The following NUP155 variants were observed in gnomAD, a reference collection of about 807,000 sequenced individuals.
NUP155 encodes the protein nucleoporin 155, also known as nuclear pore complex protein Nup155.
In NUP155, 71 loss-of-function variants were observed where a neutral mutation model predicts 180.4. The ratio of observed to expected loss-of-function variants is 0.39; its 90% CI spans 0.33 to 0.48. NUP155 has a LOEUF of 0.48. NUP155 is among the 20% of genes least tolerant of loss of function. NUP155 has a pLI of 0.91. For missense variants in NUP155, 1,553 were observed against 1,648.9 expected (o/e 0.94, Z 1.01); for synonymous variants, 582 against 559.5 (o/e 1.04, Z -0.57).
intron 4 of NUP155, among the ~76,000 whole-genome samples, chr5:37,353,172 C>A (rs904509946): frequency 3.3e-5 from 5 of 151,840 alleles, no homozygotes; most frequent in Non-Finnish European, 5.9e-5. Context: ...TACCCATGTT[C>A]ATAGCAGTGT....
chr5:37,322,312 T>A (rs576112192), intron 20 of NUP155, among the ~76,000 whole-genome samples: 3 of 152,322 alleles, frequency 2.0e-5, no homozygotes, highest in South Asian at 4.1e-4. Flanking sequence ...AAGATTATAC[T>A]GTAATACCTC....
At chr5:37,360,650 G>A (rs1747140148) in intron 3 of NUP155, among the ~76,000 whole-genome samples, 1 of 151,842 alleles carries the variant, frequency 6.6e-6, no homozygotes, top group Non-Finnish European at 1.5e-5. Context: ...GCCGGGTGTG[G>A]TGGTGCATGC....
rs982063251 is a variant in NUP155, at chr5:37,364,343, A to G, written c.199T>C (p.Leu67=). 1 of 1,611,448 alleles carries G rather than the reference A, an allele frequency of 6.2e-7. No individual in the cohort carries two copies. The highest frequency in any genetic ancestry group is 8.5e-7 in the Non-Finnish European group (1 of 1,177,526). ...ACGGACAGCAAACCAGGTCCTTGCA[A>G]AGGATAATCCATATCTGACATGCCA... The part of the protein sequence containing the change: ...VSGMSDMDYP[L]QGPGLLSVPN... The change falls in exon 2 of 35, where the codon TTG becomes CTG. Residue 67 remains leucine (L), a synonymous_variant. Coordinates refer to ENST00000231498, the MANE Select transcript of NUP155 (RefSeq NM_153485.3).
intron 14 of NUP155, 75 bp from the exon 15 acceptor site, chr5:37,330,207 A>ACT: frequency 2.0e-6 from 2 of 1,008,112 alleles, no homozygotes; most frequent in Non-Finnish European, 3.1e-6. Flanking sequence ...TAGATGCAGT[A>ACT]TTAAAGTCTG....
In NUP155 at chr5:37,351,047, G is replaced by C. The variant is rs1581199338; in HGVS notation, c.723+143C>G. 4.0e-5 allele frequency: 28 copies of C among 697,988 alleles called. No individual in the cohort carries two copies. In the East Asian group the frequency reaches 7.6e-4, roughly 19 times the overall value. The allele number at this position is 697,988 out of a possible 1,614,324, so 43.2% of individuals were successfully genotyped here. ...GTTTTGTAGGCATGGTGTAGTCATGGGGACTACAGCTTCAACTGTATGCTT... is the reference window on the plus strand; with the variant it reads ...GTTTTGTAGGCATGGTGTAGTCATGCGGACTACAGCTTCAACTGTATGCTT... On this transcript the variant is annotated intron_variant, in intron 6 of 34. Coordinates refer to ENST00000231498, the MANE Select transcript of NUP155 (RefSeq NM_153485.3).
At chr5:37,343,633 G>A (rs1745887369) in intron 9 of NUP155, among the ~76,000 whole-genome samples, 1 of 152,030 alleles carries the variant, frequency 6.6e-6, no homozygotes, top group African/African-American at 2.4e-5. Context: ...ACTCACGCCT[G>A]TAATTCCAGC....
At chr5:37,342,883 C>A (rs546327910) in intron 9 of NUP155, among the ~76,000 whole-genome samples, 2 of 151,956 alleles carry the variant, frequency 1.3e-5, no homozygotes, top group Admixed American at 1.3e-4. Flanking sequence ...ATTACGGGCT[C>A]GCGCCAGCAC....
chr5:37,305,301 T>C (rs769791448), intron 25 of NUP155, 91 bp from the exon 26 acceptor site: 15 of 1,166,052 alleles, frequency 1.3e-5, no homozygotes, highest in Non-Finnish European at 1.7e-5. Flanking sequence ...ATGCCAGCCA[T>C]AGGGAAGTCA....
chr5:37,351,715 C>G (rs1332530351), intron 5 of NUP155, among the ~76,000 whole-genome samples: 1 of 148,774 alleles, frequency 6.7e-6, no homozygotes, highest in African/African-American at 2.5e-5. Flanking sequence ...TCCCAGAGTG[C>G]TAAGATTACA....
chr5:37,296,579 GA>G (rs1384915696), intron 32 of NUP155, among the ~76,000 whole-genome samples: 1 of 151,234 alleles, frequency 6.6e-6, no homozygotes, highest in African/African-American at 2.4e-5. Context: ...CTCTGCCTAG[GA>G]AAACCAGAGA....
At chr5:37,339,106 T>C (rs1252383939) in intron 11 of NUP155, among the ~76,000 whole-genome samples, 2 of 152,224 alleles carry the variant, frequency 1.3e-5, no homozygotes, top group Non-Finnish European at 2.9e-5. Context: ...CTGTGGCTTA[T>C]GCATGTAATC....
intron 32 of NUP155, among the ~76,000 whole-genome samples, chr5:37,295,806 C>T (rs1322403294): frequency 6.6e-6 from 1 of 151,570 alleles, no homozygotes; most frequent in East Asian, 2.0e-4. Flanking sequence ...AGCCCCTCCG[C>T]CCAGCAGCCG....
chr5:37,331,799 A>C lies in NUP155; in HGVS notation c.1519-4T>G. ...GTTTATGAAACATAAGGCTCCCCTA[A>C]GAAATTTGAAGAAAGAACATGAACA... is the stretch of plus-strand genomic sequence containing the variant. On this transcript the variant is annotated splice_polypyrimidine_tract_variant and splice_region_variant and intron_variant, in intron 13 of 34. Transcript: ENST00000231498. 6.5e-7 allele frequency: 1 copy of C among 1,543,434 alleles called. No individual in the cohort carries two copies. Among genetic ancestry groups the C allele is most frequent in the Non-Finnish European group, 8.9e-7 (1 of 1,118,696 alleles).
intron 28 of NUP155, 126 bp from the exon 29 acceptor site, chr5:37,303,034 A>T: frequency 8.6e-7 from 1 of 1,168,346 alleles, no homozygotes; most frequent in Admixed American, 2.2e-5. Context: ...TTGAAAAAAA[A>T]TCATTAGATT....
chr5:37,370,664 A>T (rs1407039516), intron 1 of NUP155, 157 bp downstream of exon 1: 7 of 1,593,510 alleles, frequency 4.4e-6, no homozygotes, highest in Non-Finnish European at 6.0e-6. Context: ...AAAGGAAAAA[A>T]CCTGAAAAGA....
At chr5:37,310,155 A>AC (rs1423598328) in intron 23 of NUP155, among the ~76,000 whole-genome samples, 7 of 152,132 alleles carry the variant, frequency 4.6e-5, no homozygotes, top group African/African-American at 1.7e-4. Flanking sequence ...CCTGTGCAAC[A>AC]AATCAGAACT....
chr5:37,350,199 G>A lies in NUP155; in HGVS notation c.790C>T (p.Leu264Phe), dbSNP rs1746365743. Residue 264 changes from leucine (L) to phenylalanine (F), a missense_variant, in exon 7 of 35, where the codon CTT becomes TTT. Leu to Phe is a conservative substitution (Grantham distance 22, BLOSUM62 0). Coordinates refer to ENST00000231498, the MANE Select transcript of NUP155 (RefSeq NM_153485.3). ...INHSKSSLSF[L>F]VPSLLQFTFS... ...GTGAATTGTAGCAAGGAAGGAACAAGGAAAGAAAGTGAGCTCTTTGAGTGG... is the reference window on the plus strand; with the variant it reads ...GTGAATTGTAGCAAGGAAGGAACAAAGAAAGAAAGTGAGCTCTTTGAGTGG... 2.5e-6 allele frequency: 4 copies of A among 1,613,848 alleles called. No homozygotes were observed. Among genetic ancestry groups the A allele is most frequent in the Non-Finnish European group, 3.4e-6 (4 of 1,179,872 alleles).
Position 37,299,311 on chromosome 5 carries a change from C to T in NUP155, c.3682+137G>A. The T allele has an allele frequency of 3.0e-6, 3 of 1,008,152 alleles. No homozygotes were observed. In the South Asian group the frequency reaches 4.0e-5, roughly 13 times the overall value. 62.5% of individuals were successfully genotyped at this position (1,008,152 alleles called of 1,614,324 possible). On this transcript the variant is annotated intron_variant, in intron 31 of 34. Coordinates refer to ENST00000231498, the MANE Select transcript of NUP155 (RefSeq NM_153485.3). ...ATCCTCCACCATACCCAGGTGACTT[C>T]CACTTACTCTCTTCTTAGGTATACA...
chr5:37,359,848 T>C (rs942018488), intron 3 of NUP155, among the ~76,000 whole-genome samples: 5 of 152,174 alleles, frequency 3.3e-5, no homozygotes, highest in East Asian at 1.9e-4. Context: ...AATTACCTAA[T>C]TGACTATATG....
Sources: gnomAD v4.1 joint callset for allele counts (sites outside exome capture counted in the v4.1 genomes callset) on GRCh38, gnomAD v4.1.1 for gene constraint, MANE v1.5 for transcripts, NCBI Gene and HGNC (gene_info 2026-07-23, HGNC 2026-07-21) for gene names.